Variants in TBC1D4 observed in about 807,000 individuals in gnomAD.
The protein encoded by TBC1D4 is TBC1 domain family member 4, also known as TBC (Tre-2, BUB2, CDC16) domain-containing protein.
In TBC1D4, 121 loss-of-function variants were observed where a neutral mutation model predicts 142.5. The observed-to-expected ratio is 0.85, with a 90% CI of 0.73 to 0.99. TBC1D4 has a LOEUF of 0.99. Ranked by LOEUF, TBC1D4 falls within the 50% of genes least tolerant of loss-of-function variation. The pLI, the probability that TBC1D4 is intolerant of heterozygous loss-of-function variation, is 0.00. For synonymous variants in TBC1D4, 630 were observed against 628.2 expected, an observed-to-expected ratio of 1.00 and a Z score of -0.04; for missense variants, 1,475 against 1,606.6, an observed-to-expected ratio of 0.92 and a Z score of 1.40.
At chr13:75,302,583 C>A in intron 15 of TBC1D4, 182 bp from the exon 16 acceptor site, 1 of 678,982 alleles carries the variant, frequency 1.5e-6, no homozygotes, top group Non-Finnish European at 2.5e-6. Context: ...GCTCTTGATG[C>A]CTTGCAAAAG....
chr13:75,356,302 T>C lies in TBC1D4; in HGVS notation c.1171-51A>G, dbSNP rs779538616. ...AAAAATGTATGGGAATATATATTTT[T>C]TACTCAACAATATGGAAAGCAACAT... On this transcript the variant is annotated intron_variant, in intron 3 of 20. Coordinates refer to ENST00000377636, the MANE Select transcript of TBC1D4 (RefSeq NM_014832.5). 3.1e-6 allele frequency: 4 copies of C among 1,294,248 alleles called. No homozygotes were observed. In the East Asian group the frequency reaches 7.0e-5, roughly 23 times the overall value. 80.2% of individuals were successfully genotyped at this position (1,294,248 alleles called of 1,614,324 possible).
chr13:75,387,033 T>C (rs1884219693), intron 1 of TBC1D4, among the ~76,000 whole-genome samples: 1 of 152,110 alleles, frequency 6.6e-6, no homozygotes, highest in African/African-American at 2.4e-5. Flanking sequence ...CTATCAATAT[T>C]TATCATTTTA....
chr13:75,356,763 GAT>G (rs1882086812), intron 3 of TBC1D4, among the ~76,000 whole-genome samples: 1 of 152,172 alleles, frequency 6.6e-6, no homozygotes, highest in African/African-American at 2.4e-5. Flanking sequence ...TTAAAAGACT[GAT>G]ATGTTATAGA....
intron 1 of TBC1D4, among the ~76,000 whole-genome samples, chr13:75,461,960 C>G (rs1887988196): frequency 3.3e-5 from 5 of 152,196 alleles, no homozygotes; most frequent in Admixed American, 3.3e-4. Context: ...GCTGAAATCA[C>G]TTAAACCTCT....
intron 6 of TBC1D4, 33 bp downstream of exon 6, chr13:75,341,463 T>A (rs376528181): frequency 3.2e-6 from 5 of 1,586,550 alleles, no homozygotes; most frequent in Non-Finnish European, 4.3e-6. Flanking sequence ...TCATTCCTTA[T>A]GTCTTATTTA....
chr13:75,430,293 G>A (rs978050875), intron 1 of TBC1D4, among the ~76,000 whole-genome samples: 6 of 152,026 alleles, frequency 3.9e-5, no homozygotes, highest in African/African-American at 1.2e-4. Context: ...AATATACATC[G>A]CTTTAAAGGC....
At chr13:75,380,881 A>G (rs1883807233) in intron 1 of TBC1D4, among the ~76,000 whole-genome samples, 1 of 152,004 alleles carries the variant, frequency 6.6e-6, no homozygotes, top group South Asian at 2.1e-4. Flanking sequence ...CCTTTTTTTA[A>G]CTCCAAAATG....
At chr13:75,329,392 C>T (rs911624727) in intron 8 of TBC1D4, among the ~76,000 whole-genome samples, 11 of 151,216 alleles carry the variant, frequency 7.3e-5, no homozygotes, top group Admixed American at 6.0e-4. Context: ...AATTACCCTC[C>T]CCTCCCCTTC....
chr13:75,448,276 A>G (rs1887378847), intron 1 of TBC1D4, among the ~76,000 whole-genome samples: 2 of 152,138 alleles, frequency 1.3e-5, no homozygotes, highest in Non-Finnish European at 2.9e-5. Context: ...GTGTTTTTAC[A>G]TTGCATTTAT....
At chr13:75,402,082 G>T (rs1885119158) in intron 1 of TBC1D4, among the ~76,000 whole-genome samples, 1 of 152,122 alleles carries the variant, frequency 6.6e-6, no homozygotes, top group Non-Finnish European at 1.5e-5. Flanking sequence ...TGTAGGATGT[G>T]TACCACCCAC....
Position 75,286,900 on chromosome 13 carries a change from C to G in TBC1D4, c.3789G>C (p.Glu1263Asp). 1 of 1,613,970 alleles carries G rather than the reference C, an allele frequency of 6.2e-7. No homozygotes were observed. The highest frequency in any genetic ancestry group is 1.1e-5 in the South Asian group (1 of 91,074). ...QEKMAYQKTV[E>D]QLRKLLPADA... ...CCGCGGGCAGCAGCTTCCGGAGTTGCTCCACTGTCTTTTGATAAGCCATTT... is the reference window on the plus strand; with the variant it reads ...CCGCGGGCAGCAGCTTCCGGAGTTGGTCCACTGTCTTTTGATAAGCCATTT... Residue 1263 changes from glutamate (E) to aspartate (D), a missense_variant, in exon 21 of 21, where the codon GAG becomes GAC. Glu to Asp is a conservative substitution (Grantham distance 45). This residue lies in a region of TBC1D4 where 248 missense variants were observed against 338.9 expected (regional missense o/e 0.73). Coordinates refer to ENST00000377636, the MANE Select transcript of TBC1D4 (RefSeq NM_014832.5).
chr13:75,404,626 C>A lies in TBC1D4; in HGVS notation c.499-42019G>T, dbSNP rs914796932. 5.9e-5 allele frequency among the ~76,000 whole-genome samples: 9 copies of A among 152,156 alleles called. 1 individual carries two copies. The highest frequency in any genetic ancestry group is 1.0e-4 in the Non-Finnish European group (7 of 68,026). On this transcript the variant is annotated intron_variant, in intron 1 of 20. Coordinates refer to ENST00000377636, the MANE Select transcript of TBC1D4 (RefSeq NM_014832.5). ...AGATGTAAAGTGCCATTTCTAACAA[C>A]AGATTCAAGAAAAGGCATGAACAAA...
At chr13:75,397,015 C>G (rs1884829079) in intron 1 of TBC1D4, among the ~76,000 whole-genome samples, 1 of 152,146 alleles carries the variant, frequency 6.6e-6, no homozygotes, top group East Asian at 1.9e-4. Flanking sequence ...ACATTGCCAT[C>G]AGTCCCAACT....
At chr13:75,418,428 A>G (rs1177687480) in intron 1 of TBC1D4, among the ~76,000 whole-genome samples, 1 of 152,152 alleles carries the variant, frequency 6.6e-6, no homozygotes, top group African/African-American at 2.4e-5. Flanking sequence ...GCCCTAAAAG[A>G]TAAGTAGGAA....
chr13:75,326,520 C>A, intron 9 of TBC1D4, 97 bp from the exon 10 acceptor site: 1 of 1,276,900 alleles, frequency 7.8e-7, no homozygotes. Flanking sequence ...GCCTCATCTT[C>A]CTCCTGAGTC....
At chr13:75,324,070 T>C (rs1417049536) in intron 11 of TBC1D4, among the ~76,000 whole-genome samples, 167 bp downstream of exon 11, 2 of 152,196 alleles carry the variant, frequency 1.3e-5, no homozygotes, top group African/African-American at 4.8e-5. Context: ...AAAGTTCTCT[T>C]AATAAAATTA....
In TBC1D4 at chr13:75,341,116, T is replaced by C; in HGVS notation, c.1611+9A>G. ...ACAAAAGTAGGTGAAGTAGGAAATA[T>C]CTTCTCACAGAAGGGCCTTCCCCGA... On this transcript the variant is annotated intron_variant, in intron 7 of 20. Coordinates refer to ENST00000377636, the MANE Select transcript of TBC1D4 (RefSeq NM_014832.5). 6.3e-7 allele frequency: 1 copy of C among 1,575,610 alleles called. No homozygotes were observed. The highest frequency in any genetic ancestry group is 8.7e-7 in the Non-Finnish European group (1 of 1,151,676).
intron 1 of TBC1D4, among the ~76,000 whole-genome samples, chr13:75,433,044 C>T (rs1331176926): frequency 3.9e-5 from 6 of 151,914 alleles, no homozygotes; most frequent in Non-Finnish European, 5.9e-5. Flanking sequence ...AAAAAATACA[C>T]AATACAAAAG....
At chr13:75,435,327 CAAA>C (rs34114903) in intron 1 of TBC1D4, among the ~76,000 whole-genome samples, 1 of 122,158 alleles carries the variant, frequency 8.2e-6, no homozygotes. Flanking sequence ...GATTCTGTCT[CAAA>C]AAAAAAAAAA....
Sources: allele counts gnomAD v4.1 joint callset (sites outside exome capture counted in the v4.1 genomes callset), GRCh38; gene constraint gnomAD v4.1.1; regional missense constraint gnomAD v4.1.1; transcripts MANE v1.5; gene names NCBI Gene and HGNC (gene_info 2026-07-23, HGNC 2026-07-21).